The following ANK2 variants were observed in gnomAD, a reference collection of about 807,000 sequenced individuals.
ANK2 encodes ankyrin 2.
Under a neutral mutation model 360.5 loss-of-function variants are expected in ANK2, and 83 were observed. The ratio of observed to expected loss-of-function variants is 0.23; its 90% CI spans 0.19 to 0.28. The LOEUF is 0.28. ANK2 is among the 10% of genes least tolerant of loss of function. The pLI, the probability that ANK2 is intolerant of heterozygous loss-of-function variation, is 1.00. For synonymous variants in ANK2, 1,740 were observed against 1,759.5 expected (o/e 0.99, Z 0.28); for missense variants, 4,201 against 4,795.7 (o/e 0.88, Z 3.66).
chr4:113,343,249 TC>T (rs2094484268), intron 34 of ANK2, 107 bp downstream of exon 34: 1 of 1,266,922 alleles, frequency 7.9e-7, no homozygotes, highest in Non-Finnish European at 1.1e-6. Context: ...TTCAGAGTTT[TC>T]TTTTTAACCA....
chr4:112,790,495 T>C, the ANK2 span, among the ~76,000 whole-genome samples: 1 of 148,996 alleles, frequency 6.7e-6, no homozygotes, highest in African/African-American at 2.5e-5. Flanking sequence ...TTTTTTTTTT[T>C]TTTTTTTTTT....
At chr4:113,146,265 A>G (rs1308418668) in intron 1 of ANK2, among the ~76,000 whole-genome samples, 2 of 152,166 alleles carry the variant, frequency 1.3e-5, no homozygotes, top group African/African-American at 4.8e-5. Flanking sequence ...TGTCTCTTTA[A>G]TTTGGAATTT....
chr4:112,990,795 A>G (rs1436573724), intron 2 of ANK2, among the ~76,000 whole-genome samples: 1 of 152,142 alleles, frequency 6.6e-6, no homozygotes, highest in Non-Finnish European at 1.5e-5. Context: ...TGTGATGGTC[A>G]TTTTGATGTA....
chr4:112,760,188 C>CTT, the ANK2 span, among the ~76,000 whole-genome samples: 3 of 123,448 alleles, frequency 2.4e-5, no homozygotes, highest in Non-Finnish European at 3.4e-5. Flanking sequence ...ATTCCATATT[C>CTT]TTTTTTTTTT....
intron 1 of ANK2, among the ~76,000 whole-genome samples, chr4:112,854,099 G>A (rs1161007453): frequency 6.6e-6 from 1 of 152,174 alleles, no homozygotes. Flanking sequence ...AGATGAGGAG[G>A]AATGGGGACC....
chr4:113,130,523 C>T (rs574899046), intron 1 of ANK2, among the ~76,000 whole-genome samples: 43 of 152,224 alleles, frequency 2.8e-4, no homozygotes, highest in African/African-American at 8.9e-4. Flanking sequence ...ATGTTACATG[C>T]GTGTTCTTTA....
At chr4:112,839,427 AT>A (rs2061644701) in intron 1 of ANK2, among the ~76,000 whole-genome samples, 1 of 152,078 alleles carries the variant, frequency 6.6e-6, no homozygotes, top group African/African-American at 2.4e-5. Context: ...AACAAGAGCC[AT>A]TTTTGGTCAT....
Position 112,967,130 on chromosome 4 carries a change from G to C in ANK2, c.21+62616G>C, listed in dbSNP as rs183577871. 1.2e-3 allele frequency among the ~76,000 whole-genome samples: 190 copies of C among 152,256 alleles called. 2 individuals are homozygous for C. Among genetic ancestry groups the C allele is most frequent in the Non-Finnish European group, 1.5e-4 (10 of 68,016 alleles). On this transcript the variant is annotated intron_variant, in intron 2 of 30. Coordinates refer to the ANK2 transcript ENST00000503271. The stretch of plus-strand genomic sequence containing the variant: ...TAATTTTTAATCCTGAAATATGATG[G>C]TGTTGTACTGAGTTCCAAGTAAAGA...
At chr4:113,191,449 C>G (rs1014107405) in intron 2 of ANK2, among the ~76,000 whole-genome samples, 4 of 152,132 alleles carry the variant, frequency 2.6e-5, no homozygotes, top group Non-Finnish European at 5.9e-5. Context: ...AACCAAGCTC[C>G]TTTTACCCAT....
chr4:112,988,953 G>C (rs1480158608), intron 2 of ANK2, among the ~76,000 whole-genome samples: 2 of 152,162 alleles, frequency 1.3e-5, no homozygotes, highest in African/African-American at 2.4e-5. Flanking sequence ...TTTTCGGGGT[G>C]TTTCAGGTCC....
rs941213627 is a variant in ANK2, at chr4:113,164,166, A to G, written c.85-10250A>G. 2.0e-5 allele frequency among the ~76,000 whole-genome samples: 3 copies of G among 152,130 alleles called. No homozygotes were observed. In the South Asian group the frequency reaches 6.2e-4, roughly 32 times the overall value. ...TGTAATCCCAGCACTTTGGGAGGCC[A>G]AGGCGGGAGATATTTAGGCAAGTAG... On this transcript the variant is annotated intron_variant, in intron 1 of 45. Transcript: ENST00000357077.
chr4:113,030,261 G>A (rs2055654), intron 2 of ANK2, among the ~76,000 whole-genome samples: 127,632 of 152,028 alleles, frequency 0.84, 54,035 homozygotes, highest in East Asian at 0.98. Flanking sequence ...AATGTCTTAT[G>A]TGTGGCTCAC....
chr4:113,135,638 T>C (rs2096363168), intron 1 of ANK2, among the ~76,000 whole-genome samples: 1 of 152,078 alleles, frequency 6.6e-6, no homozygotes, highest in Admixed American at 6.6e-5. Context: ...CTCCATATGT[T>C]TATAGTGACA....
chr4:112,780,420 A>G, the ANK2 span, among the ~76,000 whole-genome samples: 4 of 152,218 alleles, frequency 2.6e-5, no homozygotes, highest in South Asian at 8.3e-4. Context: ...AGTAACAAAG[A>G]CACAGTGATT....
the ANK2 span, among the ~76,000 whole-genome samples, chr4:112,807,351 T>G: frequency 1.3e-5 from 2 of 152,184 alleles, no homozygotes; most frequent in African/African-American, 4.8e-5. Context: ...GAGACAAACA[T>G]GTATGCAGAT....
At chr4:113,380,263 A>AAG (rs2154089566) in intron 45 of ANK2, among the ~76,000 whole-genome samples, 2 of 152,190 alleles carry the variant, frequency 1.3e-5, no homozygotes, top group African/African-American at 4.8e-5. Context: ...CTAAAAAAAA[A>AAG]AAGAAGAATA....
At chr4:112,721,865 A>G in the ANK2 span, among the ~76,000 whole-genome samples, 1 of 152,198 alleles carries the variant, frequency 6.6e-6, no homozygotes, top group Non-Finnish European at 1.5e-5. Context: ...GATCACACTA[A>G]TCCAAACTCA....
At chr4:112,801,600 AC>A in the ANK2 span, among the ~76,000 whole-genome samples, 2 of 152,200 alleles carry the variant, frequency 1.3e-5, no homozygotes, top group African/African-American at 4.8e-5. Context: ...CTAAGTTAAA[AC>A]CTGTGAATTG....
intron 2 of ANK2, among the ~76,000 whole-genome samples, chr4:112,954,695 C>A (rs1280869720): frequency 6.6e-6 from 1 of 152,070 alleles, no homozygotes; most frequent in Non-Finnish European, 1.5e-5. Context: ...TATTCTTTGA[C>A]AAGGTCTTTT....
Sources: gnomAD v4.1 joint callset for allele counts (sites outside exome capture counted in the v4.1 genomes callset) on GRCh38, gnomAD v4.1.1 for gene constraint, MANE v1.5 for transcripts, NCBI Gene and HGNC (gene_info 2026-07-23, HGNC 2026-07-21) for gene names.